RNF130: variants seen among roughly 807,000 people sequenced by gnomAD.
RNF130 encodes E3 ubiquitin-protein ligase RNF130.
A neutral mutation model predicts 44.6 loss-of-function variants in RNF130; 21 were observed. The ratio of observed to expected loss-of-function variants is 0.47; its 90% CI spans 0.33 to 0.68. RNF130 has a LOEUF of 0.68. Among genes scored for constraint, RNF130 ranks in the 30% least tolerant of loss-of-function variants. RNF130 has a pLI of 0.02. For synonymous variants in RNF130, 214 were observed against 210.4 expected (o/e 1.02, Z -0.15); for missense variants, 479 against 560.6 (o/e 0.85, Z 1.47).
intron 8 of RNF130, among the ~76,000 whole-genome samples, chr5:179,956,896 A>G (rs951396408): frequency 1.6e-4 from 25 of 152,256 alleles, no homozygotes; most frequent in African/African-American, 6.0e-4. Context: ...TACTTGGGAA[A>G]CAGCATCTCA....
exon 8 of RNF130, chr5:179,915,320 C>A (rs1330429221): frequency 6.6e-6 from 1 of 152,350 alleles, no homozygotes; most frequent in African/African-American, 2.4e-5. Flanking sequence ...CAGAGTGACA[C>A]CCTGTCTCGA....
At chr5:179,925,075 C>A (rs528305522) in intron 7 of RNF130, among the ~76,000 whole-genome samples, 21 of 152,306 alleles carry the variant, frequency 1.4e-4, no homozygotes, top group African/African-American at 4.6e-4. Flanking sequence ...GGCTTCCTGG[C>A]CTACAACTGC....
chr5:179,967,099 GT>G, intron 6 of RNF130, 89 bp from the exon 7 acceptor site: 1 of 1,212,512 alleles, frequency 8.2e-7, no homozygotes, highest in Non-Finnish European at 1.2e-6. Context: ...TTGACGCCCT[GT>G]TGCAAAGACC....
At chr5:179,962,708 G>A (rs144365186) in intron 8 of RNF130, among the ~76,000 whole-genome samples, 270 of 152,212 alleles carry the variant, frequency 1.8e-3, no homozygotes, top group African/African-American at 6.3e-3. Flanking sequence ...GGATCAAAAT[G>A]GACCATAACA....
intron 6 of RNF130, among the ~76,000 whole-genome samples, chr5:179,968,862 C>T (rs527897111): frequency 1.5e-4 from 23 of 152,154 alleles, no homozygotes; most frequent in African/African-American, 5.1e-4. Context: ...GAACGGTCTA[C>T]GATGCACAGG....
chr5:180,039,236 T>G (rs1241161457), intron 2 of RNF130, among the ~76,000 whole-genome samples: 1 of 152,068 alleles, frequency 6.6e-6, no homozygotes, highest in Non-Finnish European at 1.5e-5. Flanking sequence ...ACACCTTACT[T>G]CTTTTCTTTT....
intron 3 of RNF130, among the ~76,000 whole-genome samples, chr5:179,998,108 C>T (rs767194554): frequency 3.9e-5 from 6 of 152,096 alleles, no homozygotes; most frequent in Admixed American, 1.3e-4. Context: ...CAAAGTGCTG[C>T]GATTAGAGGC....
chr5:180,067,537 A>T (rs536788581), intron 1 of RNF130, among the ~76,000 whole-genome samples: 8 of 152,302 alleles, frequency 5.3e-5, no homozygotes, highest in Non-Finnish European at 1.2e-4. Context: ...TTTTTAAAAA[A>T]ATTCAAATAT....
chr5:180,057,057 A>G (rs921625749), intron 1 of RNF130, among the ~76,000 whole-genome samples: 2 of 152,240 alleles, frequency 1.3e-5, no homozygotes, highest in African/African-American at 4.8e-5. Flanking sequence ...TTTCTTATTC[A>G]AAATAAGCCC....
chr5:179,951,383 G>GTT (rs1177960079), downstream of RNF130, among the ~76,000 whole-genome samples: 41 of 98,958 alleles, frequency 4.1e-4, no homozygotes, highest in African/African-American at 1.3e-3. Flanking sequence ...AGCAGAATAG[G>GTT]TTTTTGTTTT....
At chr5:180,066,573 C>T (rs1322865901) in intron 1 of RNF130, among the ~76,000 whole-genome samples, 3 of 152,128 alleles carry the variant, frequency 2.0e-5, no homozygotes, top group African/African-American at 7.2e-5. Flanking sequence ...GAGACCCTGT[C>T]TCTATAAAAA....
intron 1 of RNF130, among the ~76,000 whole-genome samples, chr5:180,069,971 C>T (rs1765207593): frequency 6.6e-6 from 1 of 152,208 alleles, no homozygotes; most frequent in Admixed American, 6.5e-5. Flanking sequence ...ATCTGAAGTT[C>T]AGACCATGGA....
chr5:179,983,820 T>C (rs1289864431), intron 3 of RNF130, among the ~76,000 whole-genome samples: 1 of 152,208 alleles, frequency 6.6e-6, no homozygotes, highest in Non-Finnish European at 1.5e-5. Flanking sequence ...TCCTCAGCAA[T>C]AGTTAGTTTT....
At chr5:179,973,336 C>T (rs1762629657) in intron 5 of RNF130, among the ~76,000 whole-genome samples, 1 of 152,182 alleles carries the variant, frequency 6.6e-6, no homozygotes, top group East Asian at 1.9e-4. Flanking sequence ...ACCTTTTTCT[C>T]CTCATCACCC....
intron 5 of RNF130, among the ~76,000 whole-genome samples, chr5:179,972,650 G>A (rs1242397735): frequency 1.3e-5 from 2 of 151,954 alleles, no homozygotes; most frequent in African/African-American, 4.8e-5. Context: ...TAAAGCCGCA[G>A]CACCACCTGG....
chr5:180,025,009 C>T (rs1763955393), intron 2 of RNF130, among the ~76,000 whole-genome samples: 1 of 152,204 alleles, frequency 6.6e-6, no homozygotes. Flanking sequence ...CTCTGTAATA[C>T]AAAAGACAGA....
At chr5:180,045,867 T>G (rs567367408) in intron 1 of RNF130, among the ~76,000 whole-genome samples, 9 of 152,166 alleles carry the variant, frequency 5.9e-5, no homozygotes, top group Non-Finnish European at 1.3e-4. Context: ...TTTACAATCC[T>G]TTAGCTAGAC....
chr5:180,000,037 T>C (rs1018812222), intron 3 of RNF130, among the ~76,000 whole-genome samples: 1 of 152,228 alleles, frequency 6.6e-6, no homozygotes, highest in African/African-American at 2.4e-5. Context: ...CCAGTGACTT[T>C]CATACTCCTG....
At chr5:180,070,387 T>G (rs1392945709) in intron 1 of RNF130, among the ~76,000 whole-genome samples, 1 of 152,214 alleles carries the variant, frequency 6.6e-6, no homozygotes, top group Non-Finnish European at 1.5e-5. Flanking sequence ...CTTATGTGAT[T>G]ATTTTTCCCC....
Sources: gnomAD v4.1 joint callset for allele counts (sites outside exome capture counted in the v4.1 genomes callset) on GRCh38, gnomAD v4.1.1 for gene constraint, MANE v1.5 for transcripts, NCBI Gene and HGNC (gene_info 2026-07-23, HGNC 2026-07-21) for gene names.